SSH2: variants seen among roughly 807,000 people sequenced by gnomAD.
SSH2 encodes the protein protein phosphatase Slingshot homolog 2.
A neutral mutation model predicts 135.2 loss-of-function variants in SSH2; 37 were observed. The ratio of observed to expected loss-of-function variants is 0.27; its 90% CI spans 0.21 to 0.36. The LOEUF (loss-of-function observed/expected upper bound fraction) is 0.36. Among genes scored for constraint, SSH2 ranks in the 10% least tolerant of loss-of-function variants. The pLI is 1.00. For synonymous variants in SSH2, 628 were observed against 646.2 expected (o/e 0.97, Z 0.43); for missense variants, 1,408 against 1,765.3 (o/e 0.80, Z 3.63).
At chr17:29,688,854 T>G (rs1298625704) in intron 5 of SSH2, among the ~76,000 whole-genome samples, 1 of 152,112 alleles carries the variant, frequency 6.6e-6, no homozygotes, top group Admixed American at 6.6e-5. Context: ...AACCCAAGAC[T>G]TTAATTAAAG....
At chr17:29,837,200 T>G (rs1568004717) in intron 2 of SSH2, among the ~76,000 whole-genome samples, 1 of 150,670 alleles carries the variant, frequency 6.6e-6, no homozygotes, top group Admixed American at 6.6e-5. Context: ...GAGGTTGCAG[T>G]GAGCCAAGAT....
At chr17:29,894,750 G>A (rs976172535) in intron 1 of SSH2, among the ~76,000 whole-genome samples, 3 of 151,888 alleles carry the variant, frequency 2.0e-5, no homozygotes, top group African/African-American at 7.3e-5. Flanking sequence ...CTCAGGGTAT[G>A]GAACCACAAT....
chr17:29,712,696 C>T (rs182006842), intron 3 of SSH2, among the ~76,000 whole-genome samples: 201 of 152,190 alleles, frequency 1.3e-3, no homozygotes, highest in Non-Finnish European at 1.8e-3. Context: ...CCCAGCTACT[C>T]GGAAGGCTGA....
intron 3 of SSH2, among the ~76,000 whole-genome samples, chr17:29,748,107 T>A (rs1332541422): frequency 6.6e-6 from 1 of 152,224 alleles, no homozygotes; most frequent in Non-Finnish European, 1.5e-5. Flanking sequence ...CCTGTTCATC[T>A]TCATTGTGCA....
rs529739441 is a variant in SSH2, at chr17:29,794,887, C to G, written c.145-950G>C. Among the ~76,000 whole-genome samples, 120 of 152,290 alleles carry G rather than the reference C, an allele frequency of 7.9e-4. No individual in the cohort carries two copies. In the Middle Eastern group the frequency reaches 0.01, roughly 13 times the overall value. On this transcript the variant is annotated intron_variant, in intron 2 of 15. Coordinates refer to ENST00000540801, the MANE Select transcript of SSH2 (RefSeq NM_001282129.2). Reference sequence around the variant, plus strand: ...TGTTATGATATTATACTGATCTTCACAGAGGCAAGAATATTGACATGAAGG... The same window carrying G: ...TGTTATGATATTATACTGATCTTCAGAGAGGCAAGAATATTGACATGAAGG...
At chr17:29,714,115 A>C (rs1017617239) in intron 3 of SSH2, among the ~76,000 whole-genome samples, 5 of 152,130 alleles carry the variant, frequency 3.3e-5, no homozygotes, top group African/African-American at 1.2e-4. Flanking sequence ...TCAAAATGGA[A>C]AAATTTAAAA....
intron 3 of SSH2, among the ~76,000 whole-genome samples, chr17:29,779,926 C>CA (rs1272269556): frequency 1.5e-5 from 2 of 135,966 alleles, no homozygotes; most frequent in East Asian, 4.6e-4. Context: ...AACAACAAAA[C>CA]AAAAAAACAA....
intron 2 of SSH2, among the ~76,000 whole-genome samples, chr17:29,845,034 C>G (rs1346397067): frequency 6.6e-6 from 1 of 152,220 alleles, no homozygotes; most frequent in Admixed American, 6.5e-5. Flanking sequence ...CCCTACTCCC[C>G]TGGGCCCAGT....
chr17:29,785,096 G>A (rs925361170), intron 3 of SSH2, among the ~76,000 whole-genome samples: 5 of 152,000 alleles, frequency 3.3e-5, no homozygotes, highest in African/African-American at 1.2e-4. Flanking sequence ...AGACTAAAGA[G>A]GAAGAAACCA....
intron 5 of SSH2, among the ~76,000 whole-genome samples, chr17:29,694,148 ATTC>A (rs934567116): frequency 6.6e-6 from 1 of 152,170 alleles, no homozygotes; most frequent in African/African-American, 2.4e-5. Flanking sequence ...GCCCAAGACA[ATTC>A]TTCTTTTTCC....
chr17:29,664,132 G>A (rs1263597417), intron 11 of SSH2, among the ~76,000 whole-genome samples: 10 of 152,044 alleles, frequency 6.6e-5, no homozygotes, highest in South Asian at 6.2e-4. Flanking sequence ...CTGTAATCCC[G>A]GCACTTTGGG....
chr17:29,818,765 G>T (rs1427378594), intron 2 of SSH2, among the ~76,000 whole-genome samples: 2 of 151,832 alleles, frequency 1.3e-5, no homozygotes, highest in Non-Finnish European at 2.9e-5. Flanking sequence ...TGAGAAACTT[G>T]TACAGTCCCA....
At position 29,830,828 on chromosome 17, in the gene SSH2, C is replaced by A. The variant is rs1054503421; in HGVS notation, c.144+18021G>T. Among the ~76,000 whole-genome samples, 66 of 152,244 alleles carry A rather than the reference C, an allele frequency of 4.3e-4. 1 individual carries two copies. The highest frequency in any genetic ancestry group is 1.4e-3 in the African/African-American group (59 of 41,560). ...TGGTATTATGCCTGGTATAGCTGCT[C>A]CAGTCTGAGCCAGTTTAATTAGTTC... On this transcript the variant is annotated intron_variant, in intron 2 of 15. Transcript: ENST00000540801.
At chr17:29,926,911 T>C (rs1226279652) in intron 1 of SSH2, among the ~76,000 whole-genome samples, 2 of 152,176 alleles carry the variant, frequency 1.3e-5, no homozygotes, top group Non-Finnish European at 2.9e-5. Context: ...TAGGCATACT[T>C]TTTGATCACC....
intron 9 of SSH2, among the ~76,000 whole-genome samples, chr17:29,669,104 C>T (rs575049397): frequency 2.6e-5 from 4 of 151,966 alleles, no homozygotes; most frequent in South Asian, 2.1e-4. Flanking sequence ...CAAAAATTAG[C>T]CGGGCATGGT....
chr17:29,663,443 A>G (rs944108662), intron 11 of SSH2, among the ~76,000 whole-genome samples: 4 of 152,272 alleles, frequency 2.6e-5, no homozygotes, highest in Admixed American at 6.5e-5. Context: ...AGGATATGGC[A>G]GTGTAAACAA....
At chr17:29,703,392 G>A (rs1393018006) in intron 3 of SSH2, among the ~76,000 whole-genome samples, 2 of 151,838 alleles carry the variant, frequency 1.3e-5, no homozygotes, top group Non-Finnish European at 2.9e-5. Flanking sequence ...TGGGATTACC[G>A]GCGCCCGCCA....
chr17:29,748,761 A>G lies in SSH2; in HGVS notation c.188+45133T>C, dbSNP rs536143503. Among the ~76,000 whole-genome samples the G allele has an allele frequency of 7.9e-5, 12 of 152,348 alleles. No individual in the cohort carries two copies. The South Asian group carries it at 2.3e-3, about 29-fold the overall frequency. On this transcript the variant is annotated intron_variant, in intron 3 of 15. Transcript: ENST00000540801. ...TTCTTGGTTCTAAGCTTTAAAATAC[A>G]GATAATCCTACTACAGAGCTGTTTC...
chr17:29,652,672 C>T (rs2036625309), intron 12 of SSH2, among the ~76,000 whole-genome samples: 1 of 151,998 alleles, frequency 6.6e-6, no homozygotes, highest in African/African-American at 2.4e-5. Context: ...TATTTATTTT[C>T]CCCAAGATGG....
Sources: allele counts gnomAD v4.1 joint callset (sites outside exome capture counted in the v4.1 genomes callset), GRCh38; gene constraint gnomAD v4.1.1; transcripts MANE v1.5; gene names NCBI Gene and HGNC (gene_info 2026-07-23, HGNC 2026-07-21).